Variants in AHCTF1 observed in about 807,000 individuals in gnomAD.
AHCTF1 encodes the protein AT-hook containing transcription factor 1.
A neutral mutation model predicts 248.4 loss-of-function variants in AHCTF1; 24 were observed. The ratio of observed to expected loss-of-function variants is 0.10; its 90% CI spans 0.07 to 0.14. The LOEUF is 0.14. Ranked by LOEUF, AHCTF1 falls within the 10% of genes least tolerant of loss-of-function variation. The pLI is 1.00. For synonymous variants in AHCTF1, 786 were observed against 929.8 expected, an observed-to-expected ratio of 0.85 and a Z score of 2.81; for missense variants, 2,206 against 2,636.2, an observed-to-expected ratio of 0.84 and a Z score of 3.57.
In AHCTF1 at chr1:246,851,113, T is replaced by C. The variant is rs1281864924; in HGVS notation, c.4893A>G (p.Glu1631=). 3 of 1,613,960 alleles carry C rather than the reference T, an allele frequency of 1.9e-6. No individual in the cohort carries two copies. Among genetic ancestry groups the C allele is most frequent in the Non-Finnish European group, 2.5e-6 (3 of 1,179,862 alleles). Residue 1631 remains glutamate, a synonymous_variant, in exon 33 of 36, where the codon GAA becomes GAG. Transcript: ENST00000648844. ...ATEEKLVCSG[E]NDNHGQIANL... is the part of the protein sequence containing the mutation. ...TTGCAATTTGTCCATGATTATCATT[T>C]TCCCCACTGCATACAAGTTTTTCTT...
intron 21 of AHCTF1, among the ~76,000 whole-genome samples, chr1:246,881,979 CTTTAT>C (rs1261488480): frequency 2.1e-4 from 29 of 140,358 alleles, no homozygotes; most frequent in African/African-American, 2.1e-4. Flanking sequence ...CGTGCCTGGC[CTTTAT>C]TATTATTACT....
intron 20 of AHCTF1, 103 bp from the exon 21 acceptor site, chr1:246,885,783 G>A (rs1226504359): frequency 7.3e-6 from 8 of 1,102,540 alleles, no homozygotes; most frequent in East Asian, 5.2e-5. Context: ...GATAAGACTC[G>A]TTTAAATATA....
Position 246,839,603 on chromosome 1 carries a change from A to G in AHCTF1, c.*1203T>C. ...GCGTAGGCATTTTCACCAATTTCTC[A>G]TTATCTGTATTATTTGGTAGAAAAA... On this transcript the variant is annotated 3_prime_UTR_variant, in exon 36 of 36. Transcript: ENST00000648844. The G allele has an allele frequency of 3.5e-5, 34 of 982,194 alleles. No homozygotes were observed. The highest frequency in any genetic ancestry group is 4.1e-5 in the Non-Finnish European group (34 of 826,584). 60.8% of individuals were successfully genotyped at this position (982,194 alleles called of 1,614,324 possible).
At chr1:246,851,525 T>C in intron 32 of AHCTF1, 83 bp from the exon 33 acceptor site, 1 of 1,245,098 alleles carries the variant, frequency 8.0e-7, no homozygotes, top group Admixed American at 2.8e-5. Flanking sequence ...TGATGACCCT[T>C]GGCTGTGTGC....
chr1:246,885,463 A>G, intron 21 of AHCTF1, 30 bp downstream of exon 21: 5 of 1,540,132 alleles, frequency 3.2e-6, no homozygotes, highest in Non-Finnish European at 4.4e-6. Flanking sequence ...GATACGATAA[A>G]GACTTTATAG....
rs953591410 is a variant in AHCTF1, at chr1:246,888,250, T to C, written c.2269-17A>G. 1 of 1,613,684 alleles carries C rather than the reference T, an allele frequency of 6.2e-7. No homozygotes were observed. Among genetic ancestry groups the C allele is most frequent in the African/African-American group, 1.3e-5 (1 of 74,908 alleles). Reference sequence around the variant, plus strand: ...AAGTACTGCCTATAAAACAAAGGGATAAAACCTTCAGTGGATCTTATACAG... The same window carrying C: ...AAGTACTGCCTATAAAACAAAGGGACAAAACCTTCAGTGGATCTTATACAG... On this transcript the variant is annotated splice_polypyrimidine_tract_variant and intron_variant, in intron 18 of 35. Transcript: ENST00000648844.
Position 246,857,738 on chromosome 1 carries a change from C to T in AHCTF1, c.4209G>A (p.Pro1403=), listed in dbSNP as rs769944202. The T allele has an allele frequency of 1.5e-5, 25 of 1,613,728 alleles. No homozygotes were observed. Among genetic ancestry groups the T allele is most frequent in the East Asian group, 2.2e-5 (1 of 44,880 alleles). The change falls in exon 30 of 36, where the codon CCG becomes CCA. Residue 1403 remains proline (P), a synonymous_variant. Coordinates refer to ENST00000648844, the MANE Select transcript of AHCTF1 (RefSeq NM_001323342.2). ...AAAGAGAAGCTTCAGTTCCTTGAAC[C>T]GGGCTTAAGTGATTCAATTCTGAAA... ...EAFSELNHLS[P]VQGTEASLCA...
At chr1:246,908,715 GTC>G (rs943392996) in intron 4 of AHCTF1, among the ~76,000 whole-genome samples, 20 of 139,268 alleles carry the variant, frequency 1.4e-4, no homozygotes, top group African/African-American at 5.4e-4. Context: ...GTGAAACCCA[GTC>G]TCTACTAAAA....
intron 26 of AHCTF1, among the ~76,000 whole-genome samples, chr1:246,865,980 A>G (rs1229274543): frequency 6.6e-6 from 1 of 152,150 alleles, no homozygotes; most frequent in Non-Finnish European, 1.5e-5. Context: ...AATCCATATA[A>G]AGAATGCATC....
intron 1 of AHCTF1, among the ~76,000 whole-genome samples, chr1:246,918,904 C>T (rs1338346968): frequency 6.6e-6 from 1 of 152,160 alleles, no homozygotes; most frequent in African/African-American, 2.4e-5. Context: ...TGATTGGTGT[C>T]TTTTAGAAAA....
At chr1:246,921,048 CG>C (rs1477032084) in intron 1 of AHCTF1, among the ~76,000 whole-genome samples, 2 of 152,192 alleles carry the variant, frequency 1.3e-5, no homozygotes, top group East Asian at 3.9e-4. Context: ...ACCAAGACCA[CG>C]GCATTGCACT....
In AHCTF1 at chr1:246,902,694, G is replaced by A. The variant is rs1572441743; in HGVS notation, c.967-19C>T. 5.8e-6 allele frequency: 9 copies of A among 1,556,896 alleles called. No homozygotes were observed. The highest frequency in any genetic ancestry group is 2.3e-5 in the East Asian group (1 of 43,486). On this transcript the variant is annotated intron_variant, in intron 7 of 35. Coordinates refer to ENST00000648844, the MANE Select transcript of AHCTF1 (RefSeq NM_001323342.2). ...CTAACCCCTGTAACATAAAATACACGCAAATATTAATCTGATTCTAGGCAA... is the reference window on the plus strand; with the variant it reads ...CTAACCCCTGTAACATAAAATACACACAAATATTAATCTGATTCTAGGCAA...
intron 21 of AHCTF1, among the ~76,000 whole-genome samples, chr1:246,880,341 G>T (rs1014322018): frequency 6.6e-5 from 10 of 152,006 alleles, no homozygotes; most frequent in African/African-American, 2.4e-4. Flanking sequence ...GAGGCGGGCA[G>T]ATCACGAGGT....
At chr1:246,860,569 G>GAGAT (rs1337324137) in intron 29 of AHCTF1, among the ~76,000 whole-genome samples, 1 of 152,112 alleles carries the variant, frequency 6.6e-6, no homozygotes, top group Admixed American at 6.5e-5. Flanking sequence ...CTTTCCTTCT[G>GAGAT]AGATAGGGTC....
intron 5 of AHCTF1, among the ~76,000 whole-genome samples, chr1:246,907,025 T>C (rs1665440875): frequency 2.6e-5 from 4 of 152,166 alleles, no homozygotes; most frequent in South Asian, 2.1e-4. Context: ...GATTCAGTCA[T>C]TGTGCAAACA....
At chr1:246,898,444 T>C (rs1462289747) in intron 11 of AHCTF1, 108 bp from the exon 12 acceptor site, 1 of 1,182,930 alleles carries the variant, frequency 8.5e-7, no homozygotes, top group African/African-American at 1.6e-5. Flanking sequence ...AGATAGCAAG[T>C]GGAAATTATG....
intron 29 of AHCTF1, among the ~76,000 whole-genome samples, chr1:246,858,916 T>C (rs1308735794): frequency 1.3e-5 from 2 of 151,948 alleles, no homozygotes; most frequent in Non-Finnish European, 2.9e-5. Flanking sequence ...AACATGTTAG[T>C]AGAACAAGGC....
chr1:246,891,775 G>T lies in AHCTF1; in HGVS notation c.1945+4C>A. The T allele has an allele frequency of 6.2e-7, 1 of 1,607,598 alleles. No individual in the cohort carries two copies. The highest frequency in any genetic ancestry group is 8.5e-7 in the Non-Finnish European group (1 of 1,178,472). ...ACACTCATTTGATAAAACAAAGAGC[G>T]TACCTCTCTCAGTGATCTCTCGGGC... On this transcript the variant is annotated splice_donor_region_variant and intron_variant, in intron 15 of 35. Transcript: ENST00000648844.
rs774128168 is a variant in AHCTF1, at chr1:246,850,211, A to G, written c.5795T>C (p.Ile1932Thr). 9 of 1,613,800 alleles carry G rather than the reference A, an allele frequency of 5.6e-6. No homozygotes were observed. In the East Asian group the frequency reaches 2.0e-4, roughly 36 times the overall value. ...DDKSSDKQLR[I>T]KHVRRVRGRE... The stretch of plus-strand genomic sequence containing the variant: ...CCCTCTGACCCTTCTAACATGTTTA[A>G]TACGCAGCTGCTTGTCACTGGATTT... Residue 1932 changes from isoleucine to threonine, a missense_variant, in exon 33 of 36, where the codon ATT (isoleucine) becomes ACT (threonine). By Grantham distance (89) the Ile-to-Thr change is moderately conservative. Transcript: ENST00000648844.
Sources: gnomAD v4.1 joint callset for allele counts (sites outside exome capture counted in the v4.1 genomes callset) on GRCh38, gnomAD v4.1.1 for gene constraint, MANE v1.5 for transcripts, NCBI Gene and HGNC (gene_info 2026-07-23, HGNC 2026-07-21) for gene names.